The following FOXP2 variants were observed in gnomAD, a reference collection of about 807,000 sequenced individuals.
FOXP2 encodes forkhead box protein P2.
FOXP2 carries 12 observed loss-of-function variants against 115.8 expected under a neutral mutation model. That is an observed-to-expected ratio of 0.10 (90% CI 0.07 to 0.17). FOXP2 has a LOEUF of 0.17. Among genes scored for constraint, FOXP2 ranks in the 10% least tolerant of loss-of-function variants. The pLI is 1.00. For synonymous variants in FOXP2, 328 were observed against 297.7 expected (o/e 1.10, Z -1.05); for missense variants, 629 against 843.5 (o/e 0.75, Z 3.15).
At chr7:114,110,600 G>A (rs1036975474) in intron 1 of FOXP2, among the ~76,000 whole-genome samples, 2 of 152,048 alleles carry the variant, frequency 1.3e-5, no homozygotes, top group African/African-American at 2.4e-5. Flanking sequence ...GGTACTTGTG[G>A]TGTGGAAACC....
chr7:114,446,751 T>C (rs1056095183), intron 2 of FOXP2, among the ~76,000 whole-genome samples: 8 of 150,614 alleles, frequency 5.3e-5, no homozygotes, highest in Admixed American at 1.3e-4. Flanking sequence ...TTCTTTCTTT[T>C]TTTTTTTTTT....
chr7:114,350,598 C>T (rs1190832406), intron 2 of FOXP2, among the ~76,000 whole-genome samples: 2 of 152,054 alleles, frequency 1.3e-5, no homozygotes, highest in Non-Finnish European at 2.9e-5. Context: ...GCTGCTGTTT[C>T]AGGAGTCCTT....
intron 2 of FOXP2, among the ~76,000 whole-genome samples, chr7:114,512,355 T>C (rs984089226): frequency 6.6e-6 from 1 of 152,146 alleles, no homozygotes; most frequent in Non-Finnish European, 1.5e-5. Context: ...ATAGAAACAG[T>C]GTTGTGTATG....
chr7:114,356,298 T>C (rs766513502), intron 2 of FOXP2, among the ~76,000 whole-genome samples: 10 of 152,306 alleles, frequency 6.6e-5, no homozygotes, highest in South Asian at 4.1e-4. Flanking sequence ...GCTACACAGG[T>C]TAGTCTAGTG....
At chr7:114,503,848 T>C (rs1458688588) in intron 2 of FOXP2, among the ~76,000 whole-genome samples, 1 of 151,296 alleles carries the variant, frequency 6.6e-6, no homozygotes, top group African/African-American at 2.4e-5. Flanking sequence ...CTCTGTTTAG[T>C]AGCCTAATTT....
intron 1 of FOXP2, among the ~76,000 whole-genome samples, chr7:114,224,487 GC>G (rs1794701829): frequency 6.6e-6 from 1 of 151,948 alleles, no homozygotes; most frequent in Non-Finnish European, 1.5e-5. Flanking sequence ...ATTCTCATAT[GC>G]CTTGGGTTTC....
intron 3 of FOXP2, among the ~76,000 whole-genome samples, chr7:114,611,331 A>G (rs190731844): frequency 0.015 from 2,302 of 152,330 alleles, 29 homozygotes; most frequent in Non-Finnish European, 0.026. Flanking sequence ...TGGTATGTTG[A>G]AAAAGCTGTA....
At chr7:114,116,727 A>G (rs1289800881) in intron 1 of FOXP2, among the ~76,000 whole-genome samples, 3 of 152,118 alleles carry the variant, frequency 2.0e-5, no homozygotes, top group Non-Finnish European at 4.4e-5. Flanking sequence ...AAAACGTAAA[A>G]TGGGTTGGTA....
intron 1 of FOXP2, among the ~76,000 whole-genome samples, chr7:114,106,914 CATAGTT>C (rs1469067565): frequency 6.6e-6 from 1 of 151,902 alleles, no homozygotes; most frequent in South Asian, 2.1e-4. Context: ...TTAATAAACT[CATAGTT>C]ATAATCAAAT....
At chr7:114,667,461 C>G (rs372640207) in intron 16 of FOXP2, 2 of 151,928 alleles carry the variant, frequency 1.3e-5, no homozygotes, top group East Asian at 3.9e-4. Flanking sequence ...CAATATGACA[C>G]AAGGACTTAT....
At chr7:114,646,238 C>A (rs1805882796) in intron 8 of FOXP2, among the ~76,000 whole-genome samples, 1 of 151,902 alleles carries the variant, frequency 6.6e-6, no homozygotes, top group African/African-American at 2.4e-5. Context: ...GCAAATTATG[C>A]CATAGGACTA....
intron 3 of FOXP2, among the ~76,000 whole-genome samples, chr7:114,535,862 T>C (rs1420226284): frequency 6.6e-6 from 1 of 151,650 alleles, no homozygotes; most frequent in East Asian, 1.9e-4. Context: ...ATGAAAGTTT[T>C]ATTTAATCAC....
chr7:114,283,292 T>TA (rs1796385117), intron 1 of FOXP2, among the ~76,000 whole-genome samples: 1 of 152,218 alleles, frequency 6.6e-6, no homozygotes, highest in Admixed American at 6.5e-5. Context: ...TTTAAAATGT[T>TA]AGTATAATTT....
intron 2 of FOXP2, among the ~76,000 whole-genome samples, chr7:114,321,194 T>TATTTATTA (rs1797413006): frequency 6.6e-6 from 1 of 150,420 alleles, no homozygotes. Context: ...TTTATTTATT[T>TATTTATTA]ATTTATTTAT....
At chr7:114,201,475 A>C (rs1362050076) in intron 1 of FOXP2, among the ~76,000 whole-genome samples, 1 of 152,120 alleles carries the variant, frequency 6.6e-6, no homozygotes, top group African/African-American at 2.4e-5. Context: ...AAAAATGTTA[A>C]ATTTTTTTGT....
chr7:114,250,323 G>A (rs1394125851), intron 1 of FOXP2, among the ~76,000 whole-genome samples: 1 of 152,138 alleles, frequency 6.6e-6, no homozygotes, highest in African/African-American at 2.4e-5. Context: ...TAATGGGATG[G>A]CTGGGTCAAA....
chr7:114,534,482 A>G (rs781246907), intron 2 of FOXP2, 135 bp from the exon 3 acceptor site: 274 of 776,348 alleles, frequency 3.5e-4, no homozygotes, highest in Non-Finnish European at 5.2e-4. Flanking sequence ...ATATTAGAAG[A>G]TAAACAACAA....
In FOXP2 at chr7:114,426,684, G is replaced by GT; in HGVS notation, c.168+9dup. Reference sequence around the variant, plus strand: ...CTGCATCTGCAACAACAGCAGGTAAGTTTTGTTTTCCTCAGTGCTTCCTTA... The same window carrying GT: ...CTGCATCTGCAACAACAGCAGGTAAGTTTTTGTTTTCCTCAGTGCTTCCTTA... On this transcript the variant is annotated splice_donor_region_variant and intron_variant, in intron 2 of 16. Coordinates refer to ENST00000350908, the MANE Select transcript of FOXP2 (RefSeq NM_014491.4). 1 of 1,610,634 alleles carries GT rather than the reference G, an allele frequency of 6.2e-7. No individual in the cohort carries two copies. The highest frequency in any genetic ancestry group is 8.5e-7 in the Non-Finnish European group (1 of 1,177,788).
At chr7:114,602,066 GTTAC>G (rs997837839) in intron 3 of FOXP2, among the ~76,000 whole-genome samples, 1 of 152,000 alleles carries the variant, frequency 6.6e-6, no homozygotes, top group Admixed American at 6.6e-5. Flanking sequence ...CTTTTCTTGA[GTTAC>G]TGAGAGTGAG....
Sources: gnomAD v4.1 joint callset for allele counts (sites outside exome capture counted in the v4.1 genomes callset) on GRCh38, gnomAD v4.1.1 for gene constraint, MANE v1.5 for transcripts, NCBI Gene and HGNC (gene_info 2026-07-23, HGNC 2026-07-21) for gene names.